Variants in RGS3 observed in about 807,000 individuals in gnomAD.
The protein encoded by RGS3 is regulator of G-protein signalling 3.
In RGS3, 80 loss-of-function variants were observed where a neutral mutation model predicts 132.6. The observed-to-expected ratio is 0.60, with a 90% CI of 0.50 to 0.73. The LOEUF (loss-of-function observed/expected upper bound fraction) is 0.73. RGS3 is among the 30% of genes least tolerant of loss of function. The pLI is 0.00. For synonymous variants in RGS3, 598 were observed against 620.6 expected (o/e 0.96, Z 0.54); for missense variants, 1,382 against 1,530.8 (o/e 0.90, Z 1.62).
intron 17 of RGS3, among the ~76,000 whole-genome samples, 164 bp from the exon 16 acceptor site, chr9:113,529,057 C>T (rs1357714696): frequency 6.6e-6 from 1 of 152,226 alleles, no homozygotes; most frequent in East Asian, 1.9e-4. Context: ...AGTTACGTAG[C>T]CAATTTTCCT....
At chr9:113,499,317 G>A (rs931630164) in intron 10 of RGS3, among the ~76,000 whole-genome samples, 10 of 150,236 alleles carry the variant, frequency 6.7e-5, no homozygotes, top group African/African-American at 9.8e-5. Flanking sequence ...TTCACTGCCC[G>A]CTCTAAGGCA....
intron 3 of RGS3, among the ~76,000 whole-genome samples, chr9:113,474,781 TG>T (rs1385942665): frequency 1.3e-5 from 2 of 152,228 alleles, no homozygotes; most frequent in African/African-American, 4.8e-5. Flanking sequence ...TGCTGCTTCA[TG>T]CTAGCCAGGC....
At chr9:113,582,275 A>C in intron 19 of RGS3, 10 of 847,256 alleles carry the variant, frequency 1.2e-5, no homozygotes, top group Non-Finnish European at 1.4e-5. Context: ...CAGTTTTCTC[A>C]TCCATCAAAT....
At chr9:113,496,717 A>G (rs1830695709) in intron 8 of RGS3, among the ~76,000 whole-genome samples, 1 of 151,856 alleles carries the variant, frequency 6.6e-6, no homozygotes, top group Non-Finnish European at 1.5e-5. Flanking sequence ...CGCCTGGCTA[A>G]TTTTTGTATT....
chr9:113,521,259 T>C (rs1304529008), intron 16 of RGS3, among the ~76,000 whole-genome samples: 1 of 152,188 alleles, frequency 6.6e-6, no homozygotes, highest in Admixed American at 6.5e-5. Context: ...CGTCTCCCTG[T>C]TGTCTCTGCA....
exon 20 of RGS3, chr9:113,584,105 A>C: frequency 1.2e-6 from 2 of 1,614,228 alleles, no homozygotes; most frequent in Non-Finnish European, 1.7e-6. Context: ...GAGGAGGACG[A>C]GGATGAGGAC....
chr9:113,516,640 T>C (rs950840938), intron 15 of RGS3, among the ~76,000 whole-genome samples: 6 of 152,246 alleles, frequency 3.9e-5, no homozygotes, highest in African/African-American at 1.4e-4. Context: ...ATTACAGGCA[T>C]GAGCCACCAC....
chr9:113,497,999 T>G (rs1480744215), intron 9 of RGS3, 26 bp from the exon 8 acceptor site: 3 of 1,613,524 alleles, frequency 1.9e-6, no homozygotes, highest in Non-Finnish European at 2.5e-6. Flanking sequence ...CCAGAAGTTT[T>G]CTGATTCTGC....
rs77714393 is a variant in RGS3 at position 113,586,916 on chromosome 9, C to T, written c.3015+2489C>T. Among the ~76,000 whole-genome samples, 24 of 152,282 alleles carry T rather than the reference C, an allele frequency of 1.6e-4. No homozygotes were observed. The East Asian group carries it at 4.1e-3, about 26-fold the overall frequency. On this transcript the variant is annotated intron_variant, in intron 20 of 24. Coordinates refer to ENST00000350696, the Ensembl canonical transcript of RGS3. ...GTAAAACATTTAGGGCAGTACCTGGCGCTCAGCACCTGGTGGGTGCTGCAT... is the reference window on the plus strand; with the variant it reads ...GTAAAACATTTAGGGCAGTACCTGGTGCTCAGCACCTGGTGGGTGCTGCAT...
chr9:113,461,970 TG>T (rs1829481486), intron 2 of RGS3: 1 of 1,600,266 alleles, frequency 6.2e-7, no homozygotes, highest in East Asian at 2.2e-5. Flanking sequence ...ACACCTTGCA[TG>T]GAGCATCTTC....
At chr9:113,462,583 C>T (rs916254239) in intron 3 of RGS3, among the ~76,000 whole-genome samples, 4 of 152,236 alleles carry the variant, frequency 2.6e-5, no homozygotes, top group Non-Finnish European at 5.9e-5. Context: ...CTATTCCTAG[C>T]TCTGCAAACC....
At chr9:113,468,720 T>C (rs569588755) in intron 3 of RGS3, among the ~76,000 whole-genome samples, 1 of 152,316 alleles carries the variant, frequency 6.6e-6, no homozygotes, top group African/African-American at 2.4e-5. Context: ...TTTAACTTGC[T>C]TGGGATCTCT....
At chr9:113,447,329 G>GTGTATA (rs1554751009) in intron 1 of RGS3, among the ~76,000 whole-genome samples, 2 of 27,536 alleles carry the variant, frequency 7.3e-5, no homozygotes, top group African/African-American at 9.8e-5. Context: ...GTATGTATAT[G>GTGTATA]TATATATATA....
exon 23 of RGS3, chr9:113,594,927 C>T (rs1835681822): frequency 6.2e-7 from 1 of 1,613,950 alleles, no homozygotes; most frequent in Non-Finnish European, 8.5e-7. Context: ...AGGCCCACCT[C>T]AGAGGAAGCC....
At chr9:113,487,313 T>G (rs949872837) in intron 7 of RGS3, among the ~76,000 whole-genome samples, 17 of 151,210 alleles carry the variant, frequency 1.1e-4, no homozygotes, top group African/African-American at 4.1e-4. Context: ...GGGTTTCACC[T>G]TGTTAGCCAG....
At chr9:113,475,710 A>G (rs1185262347) in intron 3 of RGS3, among the ~76,000 whole-genome samples, 1 of 151,950 alleles carries the variant, frequency 6.6e-6, no homozygotes, top group Non-Finnish European at 1.5e-5. Context: ...ACACCCCACA[A>G]AGACAAGTTT....
At position 113,579,814 on chromosome 9, in the gene RGS3, C is replaced by T. The variant is rs189148469; in HGVS notation, c.2038-3636C>T. On this transcript the variant is annotated intron_variant, in intron 19 of 24. Coordinates refer to ENST00000350696, the Ensembl canonical transcript of RGS3. This position sits in a 1 kb window ranked among gnomAD's most constrained non-coding sequence, Gnocchi z 4.3. ...TGCTTGGAGAATGCATGAATGTATG[C>T]GTGCCCCAGTCCTCCCTGCCATCCA... 1.1e-4 allele frequency among the ~76,000 whole-genome samples: 17 copies of T among 152,322 alleles called. No individual in the cohort carries two copies. Among genetic ancestry groups the T allele is most frequent in the East Asian group, 7.7e-4 (4 of 5,184 alleles).
At chr9:113,481,804 T>C (rs1830167692) in intron 4 of RGS3, among the ~76,000 whole-genome samples, 1 of 152,108 alleles carries the variant, frequency 6.6e-6, no homozygotes, top group Non-Finnish European at 1.5e-5. Context: ...CCCAGCACTT[T>C]GGGAGGCTGA....
intron 3 of RGS3, among the ~76,000 whole-genome samples, chr9:113,468,976 A>C (rs781467577): frequency 2.7e-5 from 4 of 150,392 alleles, no homozygotes; most frequent in Non-Finnish European, 5.9e-5. Context: ...GATTTGCCAT[A>C]GGGAAGTTGG....
Sources: gnomAD v4.1 joint callset for allele counts (sites outside exome capture counted in the v4.1 genomes callset) on GRCh38, gnomAD v4.1.1 for gene constraint, Gnocchi (gnomAD v3.1) non-coding constraint, MANE v1.5 for transcripts, NCBI Gene and HGNC (gene_info 2026-07-23, HGNC 2026-07-21) for gene names.